The following LINGO2 variants were observed in gnomAD, a reference collection of about 807,000 sequenced individuals.
The protein encoded by LINGO2 is leucine-rich repeat and immunoglobulin-like domain-containing nogo receptor-interacting protein 2.
LINGO2 carries 14 observed loss-of-function variants against 30.6 expected under a neutral mutation model. The ratio of observed to expected loss-of-function variants is 0.46; its 90% CI spans 0.30 to 0.72. The LOEUF (loss-of-function observed/expected upper bound fraction) is 0.72, where lower values mean the gene tolerates loss of function less well. Ranked by LOEUF, LINGO2 falls within the 30% of genes least tolerant of loss-of-function variation. The pLI, the probability that LINGO2 is intolerant of heterozygous loss-of-function variation, is 0.07. For missense variants in LINGO2, 729 were observed against 751.7 expected (o/e 0.97, Z 0.35); for synonymous variants, 317 against 288.5 (o/e 1.10, Z -1.00).
At chr9:28,625,004 G>A (rs1826595590) in intron 1 of LINGO2, among the ~76,000 whole-genome samples, 1 of 151,846 alleles carries the variant, frequency 6.6e-6, no homozygotes, top group African/African-American at 2.4e-5. Context: ...TAGATCACAT[G>A]CCATCCTAGT....
intron 4 of LINGO2, among the ~76,000 whole-genome samples, chr9:28,250,271 C>G (rs1822150038): frequency 6.6e-6 from 1 of 152,184 alleles, no homozygotes; most frequent in South Asian, 2.1e-4. Context: ...GTGGATGTAG[C>G]TTTCCTTATT....
At chr9:28,544,641 C>T (rs1177230577) in intron 1 of LINGO2, among the ~76,000 whole-genome samples, 3 of 115,566 alleles carry the variant, frequency 2.6e-5, no homozygotes, top group Admixed American at 8.4e-5. Context: ...GAAGCTGTTA[C>T]AACAAGAAGA....
chr9:28,984,872 A>T, the LINGO2 span, among the ~76,000 whole-genome samples: 1 of 152,078 alleles, frequency 6.6e-6, no homozygotes, highest in South Asian at 2.1e-4. Flanking sequence ...TGTAGTGAGA[A>T]CATTTTAAAT....
At chr9:28,073,782 C>T (rs1331238525) in intron 4 of LINGO2, among the ~76,000 whole-genome samples, 2 of 152,138 alleles carry the variant, frequency 1.3e-5, no homozygotes, top group East Asian at 1.9e-4. Flanking sequence ...AATCCCAGCC[C>T]TTTGGGGAGC....
chr9:28,905,945 G>GTT, the LINGO2 span, among the ~76,000 whole-genome samples: 3 of 151,996 alleles, frequency 2.0e-5, no homozygotes, highest in African/African-American at 7.2e-5. Flanking sequence ...AAGAAGATGT[G>GTT]TTATATATAA....
At chr9:29,032,391 C>T in the LINGO2 span, among the ~76,000 whole-genome samples, 3 of 152,126 alleles carry the variant, frequency 2.0e-5, no homozygotes, top group Non-Finnish European at 4.4e-5. Context: ...CAGCAAAGCT[C>T]AGCAATCTTT....
chr9:28,476,421 G>A lies in LINGO2; in HGVS notation c.-364-396C>T, dbSNP rs1027013713. On this transcript the variant is annotated intron_variant, in intron 1 of 5. Coordinates refer to ENST00000379992, the Ensembl canonical transcript of LINGO2. ...CTCCCGAGTAGCTGGGACTACAGGC[G>A]CCCGCCACCACGCCCGGCTAATTTT... Among the ~76,000 whole-genome samples the A allele has an allele frequency of 2.9e-3, 439 of 152,092 alleles. 4 individuals are homozygous for A. Among genetic ancestry groups the A allele is most frequent in the African/African-American group, 9.8e-3 (407 of 41,522 alleles).
In LINGO2 at chr9:27,959,317, T is replaced by C. The variant is rs574396941; in HGVS notation, c.-35-8611A>G. Among the ~76,000 whole-genome samples the C allele has an allele frequency of 9.2e-5, 14 of 152,212 alleles. No individual in the cohort carries two copies. In the South Asian group the frequency reaches 2.9e-3, roughly 32 times the overall value. On this transcript the variant is annotated intron_variant, in intron 5 of 5. Transcript: ENST00000379992. ...ACTATTTATTTTGTCTTCAGTCCAG[T>C]CTTTTAATTCATTTTCGCTTCCTAA... is the stretch of plus-strand genomic sequence containing the variant.
intron 4 of LINGO2, among the ~76,000 whole-genome samples, chr9:28,233,057 T>C (rs1343757451): frequency 6.4e-5 from 8 of 125,406 alleles, no homozygotes; most frequent in Non-Finnish European, 9.8e-5. Context: ...TATATATATA[T>C]ATATTAGATA....
chr9:28,016,873 G>C (rs2119318188), intron 4 of LINGO2, among the ~76,000 whole-genome samples: 1 of 152,048 alleles, frequency 6.6e-6, no homozygotes, highest in South Asian at 2.1e-4. Flanking sequence ...AAACTTAGCA[G>C]AGACAACAAC....
chr9:28,539,647 T>C (rs1330621358), intron 1 of LINGO2, among the ~76,000 whole-genome samples: 3 of 152,184 alleles, frequency 2.0e-5, no homozygotes, highest in African/African-American at 7.2e-5. Context: ...CCAATAACAC[T>C]GTTGTGTAAT....
chr9:28,578,749 A>G (rs1166327934), intron 1 of LINGO2, among the ~76,000 whole-genome samples: 1 of 152,202 alleles, frequency 6.6e-6, no homozygotes, highest in African/African-American at 2.4e-5. Context: ...GTGAATGCTA[A>G]TTAACATTCC....
At chr9:28,196,992 G>T (rs1028041616) in intron 4 of LINGO2, among the ~76,000 whole-genome samples, 43 of 151,796 alleles carry the variant, frequency 2.8e-4, no homozygotes, top group Non-Finnish European at 5.5e-4. Flanking sequence ...AGCACAATAG[G>T]GTGGCTATAG....
the LINGO2 span, among the ~76,000 whole-genome samples, chr9:28,780,830 ATGTGTG>A: frequency 3.9e-3 from 493 of 127,496 alleles, 3 homozygotes; most frequent in African/African-American, 0.011. Context: ...CTTGGTAGTA[ATGTGTG>A]TGTGTGTGTG....
intron 2 of LINGO2, among the ~76,000 whole-genome samples, chr9:28,434,363 A>G (rs552053775): frequency 2.8e-5 from 4 of 142,954 alleles, no homozygotes; most frequent in African/African-American, 9.8e-5. Context: ...AAAAAAAAAG[A>G]GAGAAGAGTC....
intron 5 of LINGO2, among the ~76,000 whole-genome samples, chr9:27,963,195 G>A (rs1219885462): frequency 6.6e-6 from 1 of 152,104 alleles, no homozygotes; most frequent in South Asian, 2.1e-4. Flanking sequence ...AGCATTAAAG[G>A]TGGTATACAT....
chr9:28,955,371 C>T, the LINGO2 span, among the ~76,000 whole-genome samples: 1 of 152,132 alleles, frequency 6.6e-6, no homozygotes, highest in South Asian at 2.1e-4. Flanking sequence ...TCTCTCTCTT[C>T]TGTGAGGCTG....
At chr9:28,062,421 G>GTA (rs1024836460) in intron 4 of LINGO2, among the ~76,000 whole-genome samples, 13 of 142,958 alleles carry the variant, frequency 9.1e-5, no homozygotes, top group African/African-American at 2.2e-4. Flanking sequence ...CTATATATGT[G>GTA]TATATATATA....
intron 4 of LINGO2, among the ~76,000 whole-genome samples, chr9:28,292,211 A>G (rs1823755776): frequency 6.6e-6 from 1 of 152,244 alleles, no homozygotes; most frequent in East Asian, 1.9e-4. Context: ...CCTGAGTCCA[A>G]TTTCTGACTC....
Sources: allele counts gnomAD v4.1 joint callset (sites outside exome capture counted in the v4.1 genomes callset), GRCh38; gene constraint gnomAD v4.1.1; transcripts MANE v1.5; gene names NCBI Gene and HGNC (gene_info 2026-07-23, HGNC 2026-07-21).